Variants in DCC observed in about 807,000 individuals in gnomAD.
The protein encoded by DCC is DCC netrin 1 receptor, also known as netrin receptor DCC.
In DCC, 58 loss-of-function variants were observed where a neutral mutation model predicts 172.5. The observed-to-expected ratio is 0.34, with a 90% CI of 0.27 to 0.42. DCC has a LOEUF of 0.42. Among genes scored for constraint, DCC ranks in the 10% least tolerant of loss-of-function variants. DCC has a pLI of 1.00. For synonymous variants in DCC, 709 were observed against 644.5 expected (o/e 1.10, Z -1.52); for missense variants, 1,740 against 1,791.0 (o/e 0.97, Z 0.51).
intron 18 of DCC, among the ~76,000 whole-genome samples, chr18:53,400,814 C>T (rs910627846): frequency 1.3e-5 from 2 of 152,090 alleles, no homozygotes; most frequent in Non-Finnish European, 2.9e-5. Context: ...TGAAGAATCA[C>T]TTTATCCTTT....
chr18:52,912,905 A>G (rs1459261855), intron 3 of DCC, among the ~76,000 whole-genome samples: 1 of 152,106 alleles, frequency 6.6e-6, no homozygotes, highest in African/African-American at 2.4e-5. Flanking sequence ...CTGCAAGGCC[A>G]TGCTATAACA....
chr18:52,623,125 T>G (rs2034511436), intron 1 of DCC, among the ~76,000 whole-genome samples: 3 of 152,212 alleles, frequency 2.0e-5, no homozygotes. Context: ...CATTACTTGT[T>G]GCCTCTGGCT....
At chr18:53,438,489 A>C (rs757651056) in intron 22 of DCC, among the ~76,000 whole-genome samples, 4 of 152,232 alleles carry the variant, frequency 2.6e-5, no homozygotes, top group Admixed American at 6.5e-5. Context: ...AAGAAAAATT[A>C]TAAAAGGGAT....
At chr18:53,253,573 C>T (rs567150480) in intron 12 of DCC, among the ~76,000 whole-genome samples, 2 of 152,128 alleles carry the variant, frequency 1.3e-5, no homozygotes, top group African/African-American at 4.8e-5. Flanking sequence ...TAACAATACT[C>T]TTTATTAATA....
intron 7 of DCC, among the ~76,000 whole-genome samples, chr18:53,113,232 T>C (rs1444120871): frequency 1.3e-5 from 2 of 151,542 alleles, no homozygotes; most frequent in African/African-American, 2.4e-5. Context: ...GGGATGAAAA[T>C]TCAGTGAATC....
At chr18:52,518,066 A>G (rs2031695433) in intron 1 of DCC, among the ~76,000 whole-genome samples, 1 of 152,130 alleles carries the variant, frequency 6.6e-6, no homozygotes, top group Non-Finnish European at 1.5e-5. Context: ...GTTTTCCTGT[A>G]AACTGTGGTA....
At chr18:52,938,643 G>A (rs984084797) in intron 5 of DCC, among the ~76,000 whole-genome samples, 1 of 151,926 alleles carries the variant, frequency 6.6e-6, no homozygotes, top group Non-Finnish European at 1.5e-5. Context: ...TGGATAAGAA[G>A]GAATATTAAT....
intron 8 of DCC, among the ~76,000 whole-genome samples, chr18:53,162,616 A>C (rs541142604): frequency 6.6e-6 from 1 of 152,100 alleles, no homozygotes; most frequent in African/African-American, 2.4e-5. Flanking sequence ...ATCTTCCTCT[A>C]TTGAGATCTT....
At chr18:53,004,998 G>C (rs919064307) in intron 5 of DCC, among the ~76,000 whole-genome samples, 3 of 152,116 alleles carry the variant, frequency 2.0e-5, no homozygotes, top group African/African-American at 7.2e-5. Flanking sequence ...CTTGAGACTA[G>C]GTTTGTTATA....
At chr18:52,871,053 G>A (rs922495027) in intron 2 of DCC, among the ~76,000 whole-genome samples, 1 of 152,136 alleles carries the variant, frequency 6.6e-6, no homozygotes, top group Non-Finnish European at 1.5e-5. Flanking sequence ...AGACAACAAA[G>A]GTTGACATGA....
At chr18:52,367,240 G>A (rs1187541527) in intron 1 of DCC, among the ~76,000 whole-genome samples, 1 of 152,206 alleles carries the variant, frequency 6.6e-6, no homozygotes, top group African/African-American at 2.4e-5. Flanking sequence ...AACTCCAGCT[G>A]GCCCGCAAGT....
intron 1 of DCC, among the ~76,000 whole-genome samples, chr18:52,350,045 G>T (rs977850421): frequency 3.3e-5 from 5 of 152,158 alleles, no homozygotes; most frequent in Non-Finnish European, 5.9e-5. Context: ...TTTCAGGAAG[G>T]ACTATCAATG....
chr18:52,580,912 T>G (rs2033528916), intron 1 of DCC, among the ~76,000 whole-genome samples: 1 of 152,224 alleles, frequency 6.6e-6, no homozygotes, highest in Admixed American at 6.5e-5. Context: ...CAGTAGTCTT[T>G]TGAATCACAT....
chr18:53,139,377 T>A (rs1399769556), intron 7 of DCC, among the ~76,000 whole-genome samples: 1 of 152,176 alleles, frequency 6.6e-6, no homozygotes, highest in Non-Finnish European at 1.5e-5. Flanking sequence ...GTTGTGTTAT[T>A]TGTCTTTAAA....
At chr18:52,773,752 C>T (rs1211281382) in intron 2 of DCC, among the ~76,000 whole-genome samples, 2 of 152,172 alleles carry the variant, frequency 1.3e-5, no homozygotes, top group Non-Finnish European at 2.9e-5. Context: ...TGGTCTCAAA[C>T]CCCTGACCTC....
intron 12 of DCC, among the ~76,000 whole-genome samples, chr18:53,216,255 G>T (rs1387807636): frequency 1.3e-5 from 2 of 152,106 alleles, no homozygotes; most frequent in African/African-American, 4.8e-5. Context: ...ATAAGCCAAG[G>T]CCACCTAGTA....
chr18:52,348,752 T>C (rs1983988815), intron 1 of DCC, among the ~76,000 whole-genome samples: 1 of 152,218 alleles, frequency 6.6e-6, no homozygotes, highest in Non-Finnish European at 1.5e-5. Context: ...CCTAATACTT[T>C]ACCATGTTGA....
At chr18:52,493,974 T>A (rs2144610356) in intron 1 of DCC, among the ~76,000 whole-genome samples, 1 of 152,222 alleles carries the variant, frequency 6.6e-6, no homozygotes, top group East Asian at 1.9e-4. Context: ...TCTTGTTTCC[T>A]TCTGCTTAAA....
At chr18:52,842,082 T>G (rs1188706591) in intron 2 of DCC, among the ~76,000 whole-genome samples, 1 of 152,082 alleles carries the variant, frequency 6.6e-6, no homozygotes, top group Non-Finnish European at 1.5e-5. Flanking sequence ...TAAAGAAAAT[T>G]TAGTTTTATA....
Sources: gnomAD v4.1 joint callset for allele counts (sites outside exome capture counted in the v4.1 genomes callset) on GRCh38, gnomAD v4.1.1 for gene constraint, MANE v1.5 for transcripts, NCBI Gene and HGNC (gene_info 2026-07-23, HGNC 2026-07-21) for gene names.